The following CHN2 variants were observed in gnomAD, a reference collection of about 807,000 sequenced individuals.
The protein encoded by CHN2 is beta-chimaerin.
In CHN2, 35 loss-of-function variants were observed where a neutral mutation model predicts 56.3. The ratio of observed to expected loss-of-function variants is 0.62; its 90% CI spans 0.47 to 0.82. The LOEUF (loss-of-function observed/expected upper bound fraction) is 0.82. CHN2 is among the 40% of genes least tolerant of loss of function. The pLI, the probability that CHN2 is intolerant of heterozygous loss-of-function variation, is 0.00. For missense variants in CHN2, 491 were observed against 580.5 expected (o/e 0.85, Z 1.58); for synonymous variants, 210 against 212.8 (o/e 0.99, Z 0.12).
chr7:29,305,411 G>A (rs1794059942), intron 1 of CHN2, among the ~76,000 whole-genome samples: 1 of 151,696 alleles, frequency 6.6e-6, no homozygotes, highest in African/African-American at 2.4e-5. Flanking sequence ...AAAATATTCA[G>A]CACCCAACAT....
intron 6 of CHN2, among the ~76,000 whole-genome samples, chr7:29,450,538 G>A (rs970717256): frequency 6.6e-5 from 10 of 152,194 alleles, no homozygotes; most frequent in Non-Finnish European, 1.5e-4. Context: ...GGCCAGGCAT[G>A]CAGGAAGCCC....
chr7:29,225,432 A>C (rs1786115197), intron 1 of CHN2, among the ~76,000 whole-genome samples: 1 of 152,186 alleles, frequency 6.6e-6, no homozygotes, highest in Admixed American at 6.5e-5. Flanking sequence ...TGAAGTTCCC[A>C]GATCAGCCCA....
At chr7:29,317,188 G>A (rs1412529211) in intron 1 of CHN2, among the ~76,000 whole-genome samples, 3 of 152,152 alleles carry the variant, frequency 2.0e-5, no homozygotes, top group Non-Finnish European at 4.4e-5. Context: ...TAGGGAAGGA[G>A]GAAGTAATTG....
chr7:29,392,492 G>T (rs1801442528), intron 3 of CHN2, among the ~76,000 whole-genome samples: 1 of 152,190 alleles, frequency 6.6e-6, no homozygotes, highest in Non-Finnish European at 1.5e-5. Flanking sequence ...CTGCTTGGTT[G>T]AGTAATTCTC....
intron 1 of CHN2, among the ~76,000 whole-genome samples, chr7:29,298,507 C>T (rs999915709): frequency 6.6e-6 from 1 of 152,170 alleles, no homozygotes; most frequent in Non-Finnish European, 1.5e-5. Flanking sequence ...GCCCAGGTAA[C>T]TGGTGGCTAC....
Position 29,475,061 on chromosome 7 carries a change from A to T in CHN2, c.577-5218A>T, listed in dbSNP as rs966034835. On this transcript the variant is annotated intron_variant, in intron 6 of 12. Coordinates refer to ENST00000222792, the MANE Select transcript of CHN2 (RefSeq NM_004067.4). ...GTCCACAGACACCCAAAAGGGCTCC[A>T]TTTTCCCAGGTCTTCCTGCCCATTG... 2.0e-5 allele frequency among the ~76,000 whole-genome samples: 3 copies of T among 151,992 alleles called. No homozygotes were observed. In the South Asian group the frequency reaches 6.2e-4, roughly 32 times the overall value.
At chr7:29,162,435 G>T (rs547745796) in intron 2 of CHN2, among the ~76,000 whole-genome samples, 2 of 152,248 alleles carry the variant, frequency 1.3e-5, no homozygotes, top group South Asian at 4.2e-4. Flanking sequence ...GCCAAAGCGG[G>T]CAGATCACCT....
chr7:29,390,382 A>G (rs1345422923), intron 3 of CHN2, among the ~76,000 whole-genome samples: 1 of 152,192 alleles, frequency 6.6e-6, no homozygotes, highest in African/African-American at 2.4e-5. Context: ...CCTACTCACA[A>G]AGGCCAGGTT....
At chr7:29,303,011 C>T (rs1793823718) in intron 1 of CHN2, among the ~76,000 whole-genome samples, 1 of 152,152 alleles carries the variant, frequency 6.6e-6, no homozygotes, top group Non-Finnish European at 1.5e-5. Context: ...AGTGACAGAT[C>T]CCGGTCCCGC....
In CHN2 at chr7:29,330,941, C is replaced by T. The variant is rs560818725; in HGVS notation, c.50-23684C>T. On this transcript the variant is annotated intron_variant, in intron 1 of 12. Coordinates refer to ENST00000222792, the MANE Select transcript of CHN2 (RefSeq NM_004067.4). ...GTTTATTCATACTCTAAATTTAACC[C>T]ATTTAAACATCGCAGTGGGGAGTGA... Among the ~76,000 whole-genome samples the T allele has an allele frequency of 3.3e-5, 5 of 152,246 alleles. No homozygotes were observed. In the South Asian group the frequency reaches 1.0e-3, roughly 32 times the overall value.
chr7:29,506,365 T>C (rs1265446403), intron 10 of CHN2, among the ~76,000 whole-genome samples: 1 of 152,184 alleles, frequency 6.6e-6, no homozygotes, highest in Non-Finnish European at 1.5e-5. Context: ...AGGCCAGGCG[T>C]GGTGGCTCAC....
At chr7:29,464,228 T>C (rs2128140118) in intron 6 of CHN2, among the ~76,000 whole-genome samples, 1 of 152,328 alleles carries the variant, frequency 6.6e-6, no homozygotes, top group African/African-American at 2.4e-5. Context: ...AACACAACAA[T>C]CCTGAGGTAT....
chr7:29,156,591 G>A (rs2128701875), intron 2 of CHN2, among the ~76,000 whole-genome samples: 1 of 152,304 alleles, frequency 6.6e-6, no homozygotes, highest in Middle Eastern at 3.4e-3. Flanking sequence ...CCCGATAAAG[G>A]TCATCTGTGA....
chr7:29,502,332 G>A (rs1790057961), intron 9 of CHN2, among the ~76,000 whole-genome samples: 1 of 152,122 alleles, frequency 6.6e-6, no homozygotes, highest in Non-Finnish European at 1.5e-5. Context: ...TATCCTGCGT[G>A]CACAATCACA....
At chr7:29,298,739 G>T (rs763783443) in intron 1 of CHN2, among the ~76,000 whole-genome samples, 4 of 152,158 alleles carry the variant, frequency 2.6e-5, no homozygotes, top group Non-Finnish European at 4.4e-5. Flanking sequence ...TTGCTGGTTG[G>T]TTTACAAGAA....
chr7:29,179,136 C>G (rs564229820), intron 2 of CHN2, among the ~76,000 whole-genome samples: 1 of 152,264 alleles, frequency 6.6e-6, no homozygotes, highest in South Asian at 2.1e-4. Flanking sequence ...TTGAAAACAG[C>G]CCCTCCATTT....
intron 1 of CHN2, among the ~76,000 whole-genome samples, chr7:29,344,691 T>C (rs1341701947): frequency 1.3e-5 from 2 of 152,126 alleles, no homozygotes; most frequent in Admixed American, 1.3e-4. Context: ...GTAACAGAAC[T>C]TACTCTTCTC....
chr7:29,321,511 G>T (rs1795344981), intron 1 of CHN2, among the ~76,000 whole-genome samples: 1 of 151,746 alleles, frequency 6.6e-6, no homozygotes, highest in South Asian at 2.1e-4. Context: ...TTGAACTCCA[G>T]CAATCTAATT....
intron 6 of CHN2, among the ~76,000 whole-genome samples, chr7:29,458,243 T>C (rs1434827979): frequency 2.0e-5 from 3 of 152,186 alleles, no homozygotes; most frequent in African/African-American, 7.2e-5. Flanking sequence ...TATTTTCAGA[T>C]GGGACAGATT....
Sources: allele counts gnomAD v4.1 joint callset (sites outside exome capture counted in the v4.1 genomes callset), GRCh38; gene constraint gnomAD v4.1.1; transcripts MANE v1.5; gene names NCBI Gene and HGNC (gene_info 2026-07-23, HGNC 2026-07-21).